PHEX: variants seen among roughly 807,000 people sequenced by gnomAD.
PHEX encodes phosphate regulating endopeptidase X-linked.
PHEX carries 16 observed loss-of-function variants against 68.0 expected under a neutral mutation model. The ratio of observed to expected loss-of-function variants is 0.24; its 90% CI spans 0.16 to 0.36. The LOEUF (loss-of-function observed/expected upper bound fraction) is 0.36, where lower values mean the gene tolerates loss of function less well. Ranked by LOEUF, PHEX falls within the 10% of genes least tolerant of loss-of-function variation. The pLI is 1.00. For missense variants in PHEX, 480 were observed against 575.5 expected, an observed-to-expected ratio of 0.83 and a Z score of 1.70; for synonymous variants, 208 against 205.1, an observed-to-expected ratio of 1.01 and a Z score of -0.12.
At chrX:22,186,083 C>T (rs191106465) in intron 14 of PHEX, among the ~76,000 whole-genome samples, 124 of 111,639 alleles carry the variant, frequency 1.1e-3, no homozygotes, top group Middle Eastern at 4.6e-3. Context: ...TAGTTACAGT[C>T]AGATAGTGGC....
At chrX:22,247,792 A>G (rs1936433802) in intron 21 of PHEX, 59 bp from the exon 22 acceptor site, 10 of 819,244 alleles carry the variant, frequency 1.2e-5, no homozygotes, top group Non-Finnish European at 1.1e-5. Context: ...ACAGTTTTAT[A>G]CAGAACCTGT....
At chrX:22,069,156 A>G (rs1313428444) in intron 3 of PHEX, among the ~76,000 whole-genome samples, 1 of 111,693 alleles carries the variant, frequency 9.0e-6, no homozygotes, top group African/African-American at 3.3e-5. Flanking sequence ...AAAAATATAA[A>G]TAATTAGAGT....
At chrX:22,171,620 ACT>A (rs1393046192) in intron 13 of PHEX, 1 of 109,708 alleles carries the variant, frequency 9.1e-6, no homozygotes, top group Non-Finnish European at 1.9e-5. Context: ...TACTCCTGTG[ACT>A]CTCACAGAGC....
chrX:22,097,997 A>G, intron 8 of PHEX: 1 of 131,780 alleles, frequency 7.6e-6, no homozygotes, highest in Non-Finnish European at 1.5e-5. Context: ...ACCTCAAATG[A>G]TCCACCTGCC....
intron 12 of PHEX, among the ~76,000 whole-genome samples, chrX:22,147,634 A>T (rs1262210533): frequency 9.0e-6 from 1 of 110,752 alleles, no homozygotes; most frequent in Non-Finnish European, 1.9e-5. Context: ...AATCTCATAT[A>T]CAAACTGGAG....
intron 15 of PHEX, among the ~76,000 whole-genome samples, chrX:22,212,213 A>G (rs1934949841): frequency 1.8e-5 from 2 of 111,254 alleles, no homozygotes; most frequent in South Asian, 7.7e-4. Flanking sequence ...GTTTGAATGG[A>G]AAGTATGGCC....
chrX:22,151,716 ACAGGAG>A (rs1486244749), intron 12 of PHEX, among the ~76,000 whole-genome samples: 3 of 111,919 alleles, frequency 2.7e-5, no homozygotes, highest in Non-Finnish European at 5.6e-5. Flanking sequence ...ACGTTTCCTG[ACAGGAG>A]AGCCTGTCCT....
chrX:22,046,983 A>C, intron 2 of PHEX, 67 bp from the exon 3 acceptor site: 1 of 962,453 alleles, frequency 1.0e-6, no homozygotes, highest in Non-Finnish European at 1.5e-6. Flanking sequence ...TTGTTGTTTA[A>C]TTTGGAAAAG....
At chrX:22,085,275 T>C (rs1046384663) in intron 5 of PHEX, among the ~76,000 whole-genome samples, 15 of 111,651 alleles carry the variant, frequency 1.3e-4, no homozygotes, top group African/African-American at 4.9e-4. Context: ...GAGCATATTG[T>C]TTAATTTCCA....
intron 11 of PHEX, among the ~76,000 whole-genome samples, chrX:22,118,214 G>A (rs1458487226): frequency 9.8e-6 from 1 of 101,690 alleles, no homozygotes; most frequent in Admixed American, 1.1e-4. Context: ...TTTTTTTTAA[G>A]TTGTGTTTGG....
intron 1 of PHEX, among the ~76,000 whole-genome samples, chrX:22,038,096 C>T (rs1049943902): frequency 4.5e-5 from 5 of 110,565 alleles, no homozygotes; most frequent in African/African-American, 1.6e-4. Flanking sequence ...CTTGTTAAAC[C>T]GCAGATGGCT....
At chrX:22,087,707 T>G (rs1267726210) in intron 5 of PHEX, among the ~76,000 whole-genome samples, 2 of 111,806 alleles carry the variant, frequency 1.8e-5, no homozygotes, top group African/African-American at 6.5e-5. Context: ...ATTCAGTTTT[T>G]ATTCAGATAT....
In PHEX at chrX:22,091,188, A is replaced by T. The variant is rs773448877; in HGVS notation, c.732+691A>T. 8.9e-5 allele frequency among the ~76,000 whole-genome samples: 10 copies of T among 111,892 alleles called. No homozygotes were observed. In the South Asian group the frequency reaches 3.8e-3, roughly 42 times the overall value. Reference sequence around the variant, plus strand: ...TCTATGCCGATACTAACTTCTATACATAGAAGGCTCTGGAGGGAAGCTAAC... The same window carrying T: ...TCTATGCCGATACTAACTTCTATACTTAGAAGGCTCTGGAGGGAAGCTAAC... On this transcript the variant is annotated intron_variant, in intron 6 of 21. Coordinates refer to ENST00000379374, the MANE Select transcript of PHEX (RefSeq NM_000444.6).
At chrX:22,076,330 T>G in intron 3 of PHEX, 58 bp from the exon 4 acceptor site, 1 of 851,084 alleles carries the variant, frequency 1.2e-6, no homozygotes, top group South Asian at 2.0e-5. Context: ...ATCAAATGAC[T>G]TCCAACTTGG....
chrX:22,206,787 T>C (rs957180236), intron 15 of PHEX, among the ~76,000 whole-genome samples: 3 of 111,662 alleles, frequency 2.7e-5, no homozygotes, highest in Non-Finnish European at 5.7e-5. Flanking sequence ...ATTTATTTAT[T>C]TGTTTTCTTG....
chrX:22,156,003 G>A (rs1172130015), intron 12 of PHEX, among the ~76,000 whole-genome samples: 1 of 111,726 alleles, frequency 9.0e-6, no homozygotes, highest in East Asian at 2.8e-4. Flanking sequence ...CGTGGCTGTC[G>A]TCAGAGAGAA....
chrX:22,249,455 A>AAAAAAAATATATAT lies in PHEX; in HGVS notation c.*1503_*1504insAAAAAATATATATA. On this transcript the variant is annotated 3_prime_UTR_variant, in exon 22 of 22. Coordinates refer to ENST00000379374, the MANE Select transcript of PHEX (RefSeq NM_000444.6). ...TTGTGATTCTTTTAAAAAAAAAAAA[A>AAAAAAAATATATAT]ATATATATATATATATATATATATA... is the stretch of plus-strand genomic sequence containing the variant. 1 of 39,758 alleles carries AAAAAAAATATATAT rather than the reference A, an allele frequency of 2.5e-5. No individual in the cohort carries two copies. The highest frequency in any genetic ancestry group is 4.1e-5 in the Non-Finnish European group (1 of 24,471). The allele number at this position is 39,758 out of a possible 1,213,427, so 3.3% of individuals were successfully genotyped here.
chrX:22,230,897 T>C (rs766395525), intron 20 of PHEX, among the ~76,000 whole-genome samples: 6 of 111,860 alleles, frequency 5.4e-5, no homozygotes, highest in African/African-American at 2.0e-4. Context: ...CCATTCAGTA[T>C]GATATTAGCT....
intron 3 of PHEX, among the ~76,000 whole-genome samples, chrX:22,072,823 C>G (rs1309173496): frequency 1.8e-5 from 2 of 111,829 alleles, no homozygotes; most frequent in Non-Finnish European, 3.8e-5. Context: ...TGTGAACATT[C>G]TTCACATTAT....
Sources: gnomAD v4.1 joint callset for allele counts (sites outside exome capture counted in the v4.1 genomes callset) on GRCh38, gnomAD v4.1.1 for gene constraint, MANE v1.5 for transcripts, NCBI Gene and HGNC (gene_info 2026-07-23, HGNC 2026-07-21) for gene names.